RC3H2: variants seen among roughly 807,000 people sequenced by gnomAD.
RC3H2 encodes ring finger and CCCH-type domains 2.
In RC3H2, 31 loss-of-function variants were observed where a neutral mutation model predicts 133.3. The observed-to-expected ratio is 0.23, with a 90% CI of 0.17 to 0.31. The LOEUF (loss-of-function observed/expected upper bound fraction) is 0.31, where lower values mean the gene tolerates loss of function less well. Ranked by LOEUF, RC3H2 falls within the 10% of genes least tolerant of loss-of-function variation. The pLI is 1.00. For synonymous variants in RC3H2, 517 were observed against 502.2 expected (o/e 1.03, Z -0.40); for missense variants, 1,175 against 1,437.2 (o/e 0.82, Z 2.95).
intron 18 of RC3H2, among the ~76,000 whole-genome samples, chr9:122,852,768 GC>G (rs1326565497): frequency 6.7e-6 from 1 of 148,726 alleles, no homozygotes; most frequent in Non-Finnish European, 1.5e-5. Context: ...GGGGGGGTCA[GC>G]CCCCCGCCTG....
chr9:122,888,488 C>CT (rs1332388601), intron 4 of RC3H2, among the ~76,000 whole-genome samples: 1 of 152,062 alleles, frequency 6.6e-6, no homozygotes, highest in Non-Finnish European at 1.5e-5. Context: ...TATTAGTCTT[C>CT]TATTTTTTTG....
chr9:122,860,377 G>A (rs1269096007), intron 10 of RC3H2, among the ~76,000 whole-genome samples: 2 of 149,362 alleles, frequency 1.3e-5, no homozygotes, highest in Admixed American at 6.7e-5. Flanking sequence ...AGATATTAAC[G>A]TGATTCATTA....
chr9:122,876,536 G>C (rs993612368), intron 9 of RC3H2, among the ~76,000 whole-genome samples: 1 of 151,804 alleles, frequency 6.6e-6, no homozygotes, highest in African/African-American at 2.4e-5. Flanking sequence ...GCTGAGGCAG[G>C]AGTATCGTTT....
chr9:122,895,304 A>T (rs534561898), intron 2 of RC3H2, among the ~76,000 whole-genome samples: 36 of 151,996 alleles, frequency 2.4e-4, no homozygotes, highest in Non-Finnish European at 4.3e-4. Flanking sequence ...AGTAGGTGGG[A>T]CTACAGTCAC....
intron 4 of RC3H2, among the ~76,000 whole-genome samples, chr9:122,883,894 G>A (rs556291692): frequency 2.4e-4 from 37 of 152,244 alleles, no homozygotes; most frequent in African/African-American, 7.9e-4. Flanking sequence ...CTTTGGAGGC[G>A]GAAGTGGAGG....
intron 3 of RC3H2, among the ~76,000 whole-genome samples, chr9:122,891,718 G>A (rs1042417289): frequency 6.6e-6 from 1 of 152,194 alleles, no homozygotes; most frequent in Non-Finnish European, 1.5e-5. Context: ...AATGAATACA[G>A]GGGATAAGTT....
chr9:122,852,448 G>T (rs1473992026), intron 18 of RC3H2, among the ~76,000 whole-genome samples: 3 of 147,946 alleles, frequency 2.0e-5, no homozygotes, highest in African/African-American at 7.5e-5. Context: ...CCGTCCGGGA[G>T]GTGAGGGGCG....
rs555108395 is a variant in RC3H2, at chr9:122,869,882, T to C, written c.1326-4225A>G. On this transcript the variant is annotated intron_variant, in intron 9 of 20. Transcript: ENST00000357244. ...ACTGTGCCTGGCCAACATCATCTTA[T>C]AGATAAGAGGAAAACCAATAATTAC... Among the ~76,000 whole-genome samples, 126 of 152,166 alleles carry C rather than the reference T, an allele frequency of 8.3e-4. 1 individual carries two copies. Among genetic ancestry groups the C allele is most frequent in the Non-Finnish European group, 1.5e-3 (100 of 67,988 alleles).
rs750239985 is a variant in RC3H2, at chr9:122,851,251, C to A, written c.3232-22G>T. On this transcript the variant is annotated intron_variant, in intron 19 of 20. Coordinates refer to ENST00000357244, the MANE Select transcript of RC3H2 (RefSeq NM_001100588.3). ...TCTCCTAAGAAAATAAAATGTTAATCCTTCAGTATGAAAGTATTTTATAAA... is the reference window on the plus strand; with the variant it reads ...TCTCCTAAGAAAATAAAATGTTAATACTTCAGTATGAAAGTATTTTATAAA... The A allele has an allele frequency of 6.2e-6, 10 of 1,612,918 alleles. No homozygotes were observed. The Admixed American group carries it at 1.3e-4, about 22-fold the overall frequency.
At chr9:122,866,412 G>GTCTCCC (rs1457174931) in intron 9 of RC3H2, among the ~76,000 whole-genome samples, 2 of 69,036 alleles carry the variant, frequency 2.9e-5, no homozygotes, top group East Asian at 5.0e-4. Context: ...TCTCCCCACG[G>GTCTCCC]TCTCCCTCTC....
intron 20 of RC3H2, 67 bp downstream of exon 20, chr9:122,851,014 T>C: frequency 6.4e-7 from 1 of 1,559,990 alleles, no homozygotes; most frequent in Non-Finnish European, 8.8e-7. Context: ...CAAAAATTAA[T>C]TTCGCATTTT....
intron 9 of RC3H2, among the ~76,000 whole-genome samples, chr9:122,867,248 C>CCT (rs1830737382): frequency 9.7e-6 from 1 of 102,758 alleles, no homozygotes; most frequent in East Asian, 2.9e-4. Context: ...ATCAGCCCCC[C>CCT]GCCCGGCCAG....
intron 3 of RC3H2, among the ~76,000 whole-genome samples, chr9:122,891,012 ATTTTTTTT>A (rs10571749): frequency 2.7e-5 from 2 of 72,824 alleles, no homozygotes; most frequent in African/African-American, 5.5e-5. Flanking sequence ...AATCTGCCCC[ATTTTTTTT>A]TTTTTTTTTT....
At chr9:122,855,987 A>G in intron 13 of RC3H2, 109 bp from the exon 14 acceptor site, 2 of 780,288 alleles carry the variant, frequency 2.6e-6, no homozygotes, top group South Asian at 3.4e-5. Context: ...ATAGCAAACA[A>G]TTATACTTTT....
At chr9:122,888,382 T>C (rs1832022192) in intron 4 of RC3H2, among the ~76,000 whole-genome samples, 3 of 152,320 alleles carry the variant, frequency 2.0e-5, no homozygotes, top group African/African-American at 4.8e-5. Flanking sequence ...ATAAAATATT[T>C]ATGTGGTTCC....
At position 122,858,073 on chromosome 9, in the gene RC3H2, C is replaced by T. The variant is rs1830319377; in HGVS notation, c.2304G>A (p.Lys768=). The change falls in exon 13 of 21, where the codon AAG becomes AAA. Residue 768 remains lysine (K), a synonymous_variant. Transcript: ENST00000357244. ...PLPREPCGHL[K]TSCEEQIRRK... is the part of the protein sequence containing the mutation. The stretch of plus-strand genomic sequence containing the variant: ...TTCTTATCTGCTCCTCGCAACTGGT[C>T]TTCAAATGACCACAAGGTTCCTAAT... The T allele has an allele frequency of 6.2e-7, 1 of 1,614,140 alleles. No individual in the cohort carries two copies. The highest frequency in any genetic ancestry group is 8.5e-7 in the Non-Finnish European group (1 of 1,180,010).
In RC3H2 at chr9:122,893,015, A is replaced by G. The variant is rs763737456; in HGVS notation, c.243T>C (p.His81=). ...CTAGATTACTTAACTTAATTGACTGATGATCTGGTACCTTAAAAAAAAAAA... is the reference window on the plus strand; with the variant it reads ...CTAGATTACTTAACTTAATTGACTGGTGATCTGGTACCTTAAAAAAAAAAA... ...LQLVGAQVPD[H]QSIKLSNLGE... Residue 81 remains histidine (H), a synonymous_variant, in exon 3 of 21, where the codon CAT becomes CAC. Transcript: ENST00000357244. 6.2e-7 allele frequency: 1 copy of G among 1,601,712 alleles called. No homozygotes were observed. Among genetic ancestry groups the G allele is most frequent in the Non-Finnish European group, 8.5e-7 (1 of 1,175,572 alleles).
At chr9:122,891,295 T>C (rs777883645) in intron 3 of RC3H2, among the ~76,000 whole-genome samples, 1 of 152,198 alleles carries the variant, frequency 6.6e-6, no homozygotes, top group Non-Finnish European at 1.5e-5. Flanking sequence ...AGTGCTGGAA[T>C]TACAGGCGTG....
intron 4 of RC3H2, among the ~76,000 whole-genome samples, chr9:122,888,531 A>C (rs1230251263): frequency 6.6e-6 from 1 of 152,154 alleles, no homozygotes; most frequent in African/African-American, 2.4e-5. Context: ...TAAATGAATA[A>C]GTGGATTTTC....
Sources: allele counts gnomAD v4.1 joint callset (sites outside exome capture counted in the v4.1 genomes callset), GRCh38; gene constraint gnomAD v4.1.1; transcripts MANE v1.5; gene names NCBI Gene and HGNC (gene_info 2026-07-23, HGNC 2026-07-21).